ACAN: variants seen among roughly 807,000 people sequenced by gnomAD.
The protein encoded by ACAN is aggrecan, also known as aggrecan core protein.
Under a neutral mutation model 169.1 loss-of-function variants are expected in ACAN, and 47 were observed. The observed-to-expected ratio is 0.28, with a 90% CI of 0.22 to 0.35. ACAN has a LOEUF of 0.35. Ranked by LOEUF, ACAN falls within the 10% of genes least tolerant of loss-of-function variation. ACAN has a pLI of 1.00. For synonymous variants in ACAN, 1,115 were observed against 1,112.2 expected (o/e 1.00, Z -0.05); for missense variants, 2,716 against 2,759.9 (o/e 0.98, Z 0.36).
chr15:88,810,354 G>A (rs888001682), intron 1 of ACAN, among the ~76,000 whole-genome samples: 1 of 151,346 alleles, frequency 6.6e-6, no homozygotes, highest in Non-Finnish European at 1.5e-5. Context: ...CTAATTTTGG[G>A]GGGAAAAAAA....
At chr15:88,824,873 C>T (rs1030663911) in intron 1 of ACAN, among the ~76,000 whole-genome samples, 4 of 148,824 alleles carry the variant, frequency 2.7e-5, no homozygotes, top group Non-Finnish European at 1.5e-5. Flanking sequence ...GACTGGCTGA[C>T]AGAGCGAGAC....
chr15:88,840,958 C>A (rs1026233625), intron 4 of ACAN, among the ~76,000 whole-genome samples: 2 of 152,112 alleles, frequency 1.3e-5, no homozygotes, highest in East Asian at 1.9e-4. Context: ...TCCTAGCTAA[C>A]ATGGTGAAAC....
chr15:88,826,374 CTTTTTTT>C (rs59069149), intron 1 of ACAN, among the ~76,000 whole-genome samples: 4 of 111,590 alleles, frequency 3.6e-5, no homozygotes, highest in South Asian at 2.9e-4. Flanking sequence ...CCTTTTTTTT[CTTTTTTT>C]TTTTTTTTTT....
intron 1 of ACAN, among the ~76,000 whole-genome samples, chr15:88,805,755 T>C (rs1895663988): frequency 2.0e-5 from 3 of 152,234 alleles, no homozygotes; most frequent in South Asian, 4.1e-4. Context: ...AGTAAATGAA[T>C]GTTTTTCTTT....
chr15:88,859,499 C>T, intron 12 of ACAN, 82 bp downstream of exon 12: 1 of 1,537,034 alleles, frequency 6.5e-7, no homozygotes, highest in Non-Finnish European at 8.8e-7. Flanking sequence ...GGCAGCATAG[C>T]TTTAAGGTTC....
chr15:88,838,596 T>G lies in ACAN; in HGVS notation c.71-67T>G, dbSNP rs1222351924. On this transcript the variant is annotated intron_variant, in intron 2 of 18. Coordinates refer to ENST00000560601, the MANE Select transcript of ACAN (RefSeq NM_001369268.1). The surrounding 1 kb of genome is among the most constrained non-coding windows in gnomAD (Gnocchi z 5.1). ...GAGAGTGCATTGCTGGAAGGATGGA[T>G]GGGGAGGCGGGGTGGTCCTCTCTAG... is the stretch of plus-strand genomic sequence containing the variant. 2 of 1,508,840 alleles carry G rather than the reference T, an allele frequency of 1.3e-6. No homozygotes were observed. Among genetic ancestry groups the G allele is most frequent in the Admixed American group, 2.1e-5 (1 of 47,484 alleles). 93.5% of individuals were successfully genotyped at this position (1,508,840 alleles called of 1,614,324 possible).
rs760473218 is a variant in ACAN, at chr15:88,847,434, C to T, written c.1604+17C>T. 5.2e-6 allele frequency: 8 copies of T among 1,547,146 alleles called. No homozygotes were observed. Among genetic ancestry groups the T allele is most frequent in the African/African-American group, 2.7e-5 (2 of 73,520 alleles). ...GACCGTCAGGTGAAGCCATGCTCCT[C>T]GCCCAGCCCAAACCCAATTGAAGAG... On this transcript the variant is annotated intron_variant, in intron 8 of 18. Coordinates refer to ENST00000560601, the MANE Select transcript of ACAN (RefSeq NM_001369268.1).
intron 1 of ACAN, among the ~76,000 whole-genome samples, chr15:88,833,733 A>ACG (rs1896424995): frequency 2.1e-5 from 1 of 46,972 alleles, no homozygotes; most frequent in Non-Finnish European, 3.9e-5. Flanking sequence ...CCCTACCCCC[A>ACG]CTCTCCTCCC....
chr15:88,836,050 A>T (rs1033514659), intron 1 of ACAN, 150 bp from the exon 2 acceptor site: 8 of 606,086 alleles, frequency 1.3e-5, no homozygotes, highest in Admixed American at 3.0e-5. Context: ...TTAAGAAAAT[A>T]TCTCACAAAC....
chr15:88,823,427 TG>T (rs1423837690), intron 1 of ACAN, among the ~76,000 whole-genome samples: 1 of 152,006 alleles, frequency 6.6e-6, no homozygotes, highest in Admixed American at 6.6e-5. Flanking sequence ...TTTTTTTTCT[TG>T]TTTTTTCTCA....
At chr15:88,826,166 C>G (rs184579487) in intron 1 of ACAN, among the ~76,000 whole-genome samples, 3 of 152,064 alleles carry the variant, frequency 2.0e-5, no homozygotes, top group African/African-American at 7.2e-5. Context: ...TACTGACTAC[C>G]CACAGGTTGA....
intron 1 of ACAN, among the ~76,000 whole-genome samples, chr15:88,821,923 G>T (rs1896086398): frequency 6.6e-6 from 1 of 152,220 alleles, no homozygotes; most frequent in South Asian, 2.1e-4. Context: ...AAGGGAAGAG[G>T]CACAAAGGGC....
intron 13 of ACAN, among the ~76,000 whole-genome samples, chr15:88,860,695 T>C (rs1897177686): frequency 6.6e-6 from 1 of 152,176 alleles, no homozygotes; most frequent in Non-Finnish European, 1.5e-5. Flanking sequence ...ATGACTATTG[T>C]AGGAGTAGAA....
In ACAN at chr15:88,857,826, G is replaced by C; in HGVS notation, c.5241G>C (p.Gly1747=). Residue 1747 remains glycine (G), a synonymous_variant, in exon 12 of 19, where the codon GGG becomes GGC. Coordinates refer to ENST00000560601, the MANE Select transcript of ACAN (RefSeq NM_001369268.1). The part of the protein sequence containing the change: ...GQPSGFPDTS[G]ETSGVTELSG... ...CATCAGGGTTTCCTGACACTAGTGGGGAAACATCTGGAGTGACTGAGCTTA... is the reference window on the plus strand; with the variant it reads ...CATCAGGGTTTCCTGACACTAGTGGCGAAACATCTGGAGTGACTGAGCTTA... 1 of 1,613,918 alleles carries C rather than the reference G, an allele frequency of 6.2e-7. No individual in the cohort carries two copies. Among genetic ancestry groups the C allele is most frequent in the Non-Finnish European group, 8.5e-7 (1 of 1,179,900 alleles).
At chr15:88,822,251 A>T (rs1896095166) in intron 1 of ACAN, among the ~76,000 whole-genome samples, 1 of 152,332 alleles carries the variant, frequency 6.6e-6, no homozygotes, top group Non-Finnish European at 1.5e-5. Flanking sequence ...ATTAGACAGG[A>T]CATTCCAAGG....
Position 88,851,624 on chromosome 15 carries a change from A to G in ACAN, c.2027-170A>G. On this transcript the variant is annotated intron_variant, in intron 10 of 18. Coordinates refer to ENST00000560601, the MANE Select transcript of ACAN (RefSeq NM_001369268.1). This position sits in a 1 kb window ranked among gnomAD's most constrained non-coding sequence, Gnocchi z 4.3. ...TGCTGATGGTGCATATGGATATTAT[A>G]TCATTGGTGCCGATGGCTCTTACTA... 2.9e-6 allele frequency: 2 copies of G among 697,444 alleles called. No homozygotes were observed. Among genetic ancestry groups the G allele is most frequent in the Non-Finnish European group, 4.6e-6 (2 of 432,112 alleles). 43.2% of individuals were successfully genotyped at this position (697,444 alleles called of 1,614,324 possible).
intron 13 of ACAN, among the ~76,000 whole-genome samples, chr15:88,860,692 T>C (rs1335673282): frequency 6.6e-6 from 1 of 152,176 alleles, no homozygotes; most frequent in African/African-American, 2.4e-5. Flanking sequence ...CTGATGACTA[T>C]TGTAGGAGTA....
At position 88,868,017 on chromosome 15, in the gene ACAN, C is replaced by G. The variant is rs74030526; in HGVS notation, c.6947-199C>G. Among the ~76,000 whole-genome samples the G allele has an allele frequency of 2.4e-3, 362 of 152,310 alleles. 1 individual carries two copies. The highest frequency in any genetic ancestry group is 8.3e-3 in the African/African-American group (347 of 41,558). ...CAAGAATCACACACGCCCAAGAAAA[C>G]CCTTGTCTGGATCTTTGCTTCAGCA... On this transcript the variant is annotated intron_variant, in intron 13 of 18. Coordinates refer to ENST00000560601, the MANE Select transcript of ACAN (RefSeq NM_001369268.1). This position sits in a 1 kb window ranked among gnomAD's most constrained non-coding sequence, Gnocchi z 5.2.
In ACAN at chr15:88,843,409, A is replaced by T. The variant is rs754225607; in HGVS notation, c.812A>T (p.Asn271Ile). 4 of 1,602,684 alleles carry T rather than the reference A, an allele frequency of 2.5e-6. No individual in the cohort carries two copies. Among genetic ancestry groups the T allele is most frequent in the East Asian group, 2.2e-5 (1 of 44,510 alleles). ...AAGTTCACCTTCCAGGAAGCAGCCA[A>T]TGAGTGCCGGCGGCTGGGTGCCCGG... ...PEKFTFQEAA[N>I]ECRRLGARLA... The change falls in exon 6 of 19, where the codon AAT becomes ATT. Residue 271 changes from asparagine (N) to isoleucine (I), a missense_variant. Asn to Ile is a moderately radical substitution (Grantham distance 149, BLOSUM62 -3). Around this residue, in one of 3 missense-constraint regions of ACAN, gnomAD observed 1,283 missense variants for 1,281.5 expected, o/e 1.00. Transcript: ENST00000560601. The surrounding 1 kb of genome is among the most constrained non-coding windows in gnomAD (Gnocchi z 4.0).
Sources: allele counts gnomAD v4.1 joint callset (sites outside exome capture counted in the v4.1 genomes callset), GRCh38; gene constraint gnomAD v4.1.1; regional missense constraint gnomAD v4.1.1; non-coding constraint Gnocchi (gnomAD v3.1); transcripts MANE v1.5; gene names NCBI Gene and HGNC (gene_info 2026-07-23, HGNC 2026-07-21).